WDR72: variants seen among roughly 807,000 people sequenced by gnomAD.
WDR72 encodes WD repeat domain 72, also known as WD repeat-containing protein 72.
A neutral mutation model predicts 124.2 loss-of-function variants in WDR72; 120 were observed. That is an observed-to-expected ratio of 0.97 (90% CI 0.83 to 1.12). The LOEUF (loss-of-function observed/expected upper bound fraction) is 1.12, where lower values mean the gene tolerates loss of function less well. WDR72 is among the 50% of genes most tolerant of loss of function. The probability of loss-of-function intolerance (pLI) is 0.00; values close to 1 mark genes in which losing one functional copy is unlikely to be tolerated. For synonymous variants in WDR72, 452 were observed against 441.7 expected (o/e 1.02, Z -0.29); for missense variants, 1,387 against 1,278.8 (o/e 1.08, Z -1.29).
chr15:53,699,026 T>C lies in WDR72; in HGVS notation c.1765+724A>G, dbSNP rs556712302. The stretch of plus-strand genomic sequence containing the variant: ...GGTGAAGTATGGCTCTAAACTATAA[T>C]ATTATAAACTATCCAGTCTGTTAAT... On this transcript the variant is annotated intron_variant, in intron 13 of 19. Transcript: ENST00000360509. Among the ~76,000 whole-genome samples, 6 of 152,300 alleles carry C rather than the reference T, an allele frequency of 3.9e-5. No individual in the cohort carries two copies. In the East Asian group the frequency reaches 1.2e-3, roughly 29 times the overall value.
intron 14 of WDR72, among the ~76,000 whole-genome samples, chr15:53,633,629 ATATAAT>A (rs1344653270): frequency 3.3e-5 from 5 of 152,230 alleles, no homozygotes; most frequent in Non-Finnish European, 5.9e-5. Context: ...TAGTCTCTGG[ATATAAT>A]TATAAAGATA....
intron 2 of WDR72, among the ~76,000 whole-genome samples, chr15:53,728,634 G>A (rs1165807744): frequency 1.3e-5 from 2 of 152,106 alleles, no homozygotes; most frequent in Non-Finnish European, 2.9e-5. Context: ...TATTAGACAG[G>A]CGGAAGAGCA....
intron 6 of WDR72, among the ~76,000 whole-genome samples, chr15:53,713,753 T>C (rs2017621960): frequency 6.6e-6 from 1 of 152,090 alleles, no homozygotes; most frequent in South Asian, 2.1e-4. Context: ...CCACTGTGCA[T>C]GGCCTAGTAT....
intron 14 of WDR72, among the ~76,000 whole-genome samples, chr15:53,647,194 C>T (rs2015073527): frequency 1.3e-5 from 2 of 152,002 alleles, no homozygotes; most frequent in African/African-American, 4.8e-5. Context: ...TAGTACAGAA[C>T]ATGAAATACT....
chr15:53,610,325 A>G (rs2013484684), intron 16 of WDR72, among the ~76,000 whole-genome samples: 1 of 152,046 alleles, frequency 6.6e-6, no homozygotes, highest in Non-Finnish European at 1.5e-5. Flanking sequence ...TTGAAAATGT[A>G]CATATAACCA....
At chr15:53,743,384 T>C (rs1294403934) in intron 1 of WDR72, among the ~76,000 whole-genome samples, 2 of 152,134 alleles carry the variant, frequency 1.3e-5, no homozygotes, top group African/African-American at 4.8e-5. Context: ...TTAATATAGA[T>C]TGAAATTTAG....
At chr15:53,637,722 C>G (rs905525863) in intron 14 of WDR72, among the ~76,000 whole-genome samples, 2 of 152,124 alleles carry the variant, frequency 1.3e-5, no homozygotes, top group African/African-American at 2.4e-5. Flanking sequence ...ATCCCAAATC[C>G]TACCTCCTTT....
rs897997648 is a variant in WDR72, at chr15:53,619,455, G to C, written c.1963-3212C>G. Among the ~76,000 whole-genome samples, 3 of 152,026 alleles carry C rather than the reference G, an allele frequency of 2.0e-5. No individual in the cohort carries two copies. The South Asian group carries it at 6.2e-4, about 31-fold the overall frequency. On this transcript the variant is annotated intron_variant, in intron 14 of 19. Transcript: ENST00000360509. ...AAAGTTTTCATTCCTTGAAGGTGGT[G>C]TGAATTCTGACTCAAGATTATGGTT...
chr15:53,601,690 C>A (rs1296225555), intron 17 of WDR72, among the ~76,000 whole-genome samples: 2 of 152,046 alleles, frequency 1.3e-5, no homozygotes, highest in Non-Finnish European at 1.5e-5. Flanking sequence ...GGGTTGCAAT[C>A]CTAGTTTCTG....
intron 17 of WDR72, among the ~76,000 whole-genome samples, chr15:53,603,716 C>T (rs570905106): frequency 5.3e-5 from 8 of 152,042 alleles, no homozygotes; most frequent in South Asian, 2.1e-4. Context: ...AAATCACAAA[C>T]GAACTCCCAT....
At chr15:53,593,326 C>T (rs955834492) in intron 18 of WDR72, among the ~76,000 whole-genome samples, 5 of 152,008 alleles carry the variant, frequency 3.3e-5, no homozygotes, top group South Asian at 2.1e-4. Flanking sequence ...GTATGGAAAA[C>T]GTAGCTTACT....
chr15:53,683,280 T>A (rs1490919222), intron 13 of WDR72, among the ~76,000 whole-genome samples: 1 of 152,100 alleles, frequency 6.6e-6, no homozygotes. Context: ...GGCATCAGAA[T>A]AGGGTGACTA....
At chr15:53,618,146 T>C (rs193095605) in intron 14 of WDR72, among the ~76,000 whole-genome samples, 2 of 152,112 alleles carry the variant, frequency 1.3e-5, no homozygotes, top group Admixed American at 1.3e-4. Flanking sequence ...TGCCCTGATT[T>C]TTTTTACCCC....
chr15:53,672,820 G>T (rs533657486), intron 13 of WDR72, among the ~76,000 whole-genome samples: 3 of 152,212 alleles, frequency 2.0e-5, no homozygotes, highest in South Asian at 2.1e-4. Context: ...TTTATTATTT[G>T]CTGTCTTCTA....
rs114370152 is a variant in WDR72 at position 53,653,112 on chromosome 15, G to A, written c.1962+12460C>T. Among the ~76,000 whole-genome samples, 112 of 152,100 alleles carry A rather than the reference G, an allele frequency of 7.4e-4. 1 individual carries two copies. The highest frequency in any genetic ancestry group is 2.7e-3 in the African/African-American group (111 of 41,508). ...AATAAATACACTTTTTTTTCTGTCA[G>A]TCATTTATATTTTTTTCTCTTACAA... is the stretch of plus-strand genomic sequence containing the variant. On this transcript the variant is annotated intron_variant, in intron 14 of 19. Coordinates refer to ENST00000360509, the MANE Select transcript of WDR72 (RefSeq NM_182758.4).
rs118188253 is a variant in WDR72, at chr15:53,639,277, C to T, written c.1963-23034G>A. On this transcript the variant is annotated intron_variant, in intron 14 of 19. Transcript: ENST00000360509. ...GTGCTATATGTGGACGACTCAACAG[C>T]GAGCAGAACAGACAGCCGCAGTCCC... Among the ~76,000 whole-genome samples the T allele has an allele frequency of 8.0e-4, 121 of 152,006 alleles. 5 individuals carry two copies. In the East Asian group the frequency reaches 0.021, roughly 27 times the overall value.
At chr15:53,584,714 G>C (rs1478897802) in intron 18 of WDR72, among the ~76,000 whole-genome samples, 1 of 151,816 alleles carries the variant, frequency 6.6e-6, no homozygotes, top group African/African-American at 2.4e-5. Flanking sequence ...TTTCATTCCA[G>C]GTATCTCACC....
chr15:53,679,989 A>G (rs1004251050), intron 13 of WDR72, among the ~76,000 whole-genome samples: 3 of 152,158 alleles, frequency 2.0e-5, no homozygotes, highest in African/African-American at 7.2e-5. Context: ...AGTGAAATAA[A>G]TAACCTTATG....
intron 14 of WDR72, among the ~76,000 whole-genome samples, chr15:53,616,881 T>C (rs1223308880): frequency 6.6e-6 from 1 of 151,940 alleles, no homozygotes; most frequent in Non-Finnish European, 1.5e-5. Context: ...TCTTCCTTGC[T>C]TTTTTTCTTC....
Sources: gnomAD v4.1 joint callset for allele counts (sites outside exome capture counted in the v4.1 genomes callset) on GRCh38, gnomAD v4.1.1 for gene constraint, MANE v1.5 for transcripts, NCBI Gene and HGNC (gene_info 2026-07-23, HGNC 2026-07-21) for gene names.